The following ZNRF1 variants were observed in gnomAD, a reference collection of about 807,000 sequenced individuals.
ZNRF1 encodes the protein zinc and ring finger 1, also known as E3 ubiquitin-protein ligase ZNRF1.
ZNRF1 carries 3 observed loss-of-function variants against 18.4 expected under a neutral mutation model. The observed-to-expected ratio is 0.16, with a 90% CI of 0.07 to 0.42. The LOEUF (loss-of-function observed/expected upper bound fraction) is 0.42. ZNRF1 is among the 10% of genes least tolerant of loss of function. The pLI, the probability that ZNRF1 is intolerant of heterozygous loss-of-function variation, is 0.99. For missense variants in ZNRF1, 310 were observed against 329.8 expected (o/e 0.94, Z 0.47); for synonymous variants, 157 against 144.2 (o/e 1.09, Z -0.64).
At chr16:75,036,899 C>A (rs2035383123) in intron 1 of ZNRF1, among the ~76,000 whole-genome samples, 1 of 152,160 alleles carries the variant, frequency 6.6e-6, no homozygotes, top group Non-Finnish European at 1.5e-5. Context: ...GATGCTTGGA[C>A]TATGCAGCAC....
chr16:75,082,845 C>T (rs1439568018), intron 1 of ZNRF1, among the ~76,000 whole-genome samples: 2 of 152,224 alleles, frequency 1.3e-5, no homozygotes, highest in African/African-American at 4.8e-5. Flanking sequence ...TGAGCCACTG[C>T]ACCCGGCCAG....
At position 75,108,111 on chromosome 16, in the gene ZNRF1, G is replaced by A. The variant is rs1438733612; in HGVS notation, c.*411G>A. 8 of 234,008 alleles carry A rather than the reference G, an allele frequency of 3.4e-5. No individual in the cohort carries two copies. Among genetic ancestry groups the A allele is most frequent in the East Asian group, 1.5e-4 (1 of 6,542 alleles). The allele number at this position is 234,008 out of a possible 1,614,324, so 14.5% of individuals were successfully genotyped here. A position where few individuals can be genotyped will look rare whatever the true frequency, so the allele number is the denominator to read the frequency against. On this transcript the variant is annotated 3_prime_UTR_variant, in exon 5 of 5. Transcript: ENST00000335325. Reference sequence around the variant, plus strand: ...AGCCATAACCCACTCAGTGACAGACGAACACAGCTAAGGCCTCGCTGCCAG... The same window carrying A: ...AGCCATAACCCACTCAGTGACAGACAAACACAGCTAAGGCCTCGCTGCCAG...
chr16:75,044,798 A>C (rs2035493579), intron 1 of ZNRF1, among the ~76,000 whole-genome samples: 1 of 152,240 alleles, frequency 6.6e-6, no homozygotes, highest in South Asian at 2.1e-4. Context: ...GTTTATAACA[A>C]ATGAACCATG....
intron 2 of ZNRF1, among the ~76,000 whole-genome samples, chr16:75,097,882 G>C (rs931044563): frequency 5.3e-5 from 8 of 152,200 alleles, no homozygotes; most frequent in Non-Finnish European, 1.2e-4. Context: ...AATGGCTCCT[G>C]CTATAGCCTG....
intron 1 of ZNRF1, among the ~76,000 whole-genome samples, chr16:75,011,075 C>T (rs977641484): frequency 3.9e-5 from 6 of 152,138 alleles, no homozygotes; most frequent in Admixed American, 6.5e-5. Flanking sequence ...CCTCATCTGA[C>T]GTGGTCATTT....
At chr16:75,030,823 C>T (rs1447787659) in intron 1 of ZNRF1, among the ~76,000 whole-genome samples, 1 of 147,076 alleles carries the variant, frequency 6.8e-6, no homozygotes, top group African/African-American at 2.5e-5. Flanking sequence ...TAGCATGCAG[C>T]ACTTTATTCC....
At chr16:75,085,938 G>A (rs1001762502) in intron 1 of ZNRF1, among the ~76,000 whole-genome samples, 4 of 152,024 alleles carry the variant, frequency 2.6e-5, no homozygotes, top group African/African-American at 9.7e-5. Flanking sequence ...GAAAACTCGT[G>A]GAGTATGTAG....
In ZNRF1 at chr16:75,086,070, C is replaced by G. The variant is rs576177785; in HGVS notation, c.425-7502C>G. On this transcript the variant is annotated intron_variant, in intron 1 of 4. Transcript: ENST00000335325. Reference sequence around the variant, plus strand: ...TAGGCAGACAGAGAGTGAAATTTCTCCTCTTTGCCTTTTGATTCTATTCAG... The same window carrying G: ...TAGGCAGACAGAGAGTGAAATTTCTGCTCTTTGCCTTTTGATTCTATTCAG... Among the ~76,000 whole-genome samples, 21 of 152,082 alleles carry G rather than the reference C, an allele frequency of 1.4e-4. No individual in the cohort carries two copies. In the Middle Eastern group the frequency reaches 0.01, roughly 74 times the overall value.
chr16:75,095,775 A>ACC, intron 2 of ZNRF1: 1 of 1,495,358 alleles, frequency 6.7e-7, no homozygotes, highest in South Asian at 1.3e-5. Flanking sequence ...CTCCTCTGCC[A>ACC]GAGAACTGCC....
In ZNRF1 at chr16:75,100,473, C is replaced by G. The variant is rs549165607; in HGVS notation, c.521-4311C>G. 1.4e-4 allele frequency among the ~76,000 whole-genome samples: 21 copies of G among 152,286 alleles called. 1 individual carries two copies. The South Asian group carries it at 4.4e-3, about 32-fold the overall frequency. On this transcript the variant is annotated intron_variant, in intron 2 of 4. Coordinates refer to ENST00000335325, the MANE Select transcript of ZNRF1 (RefSeq NM_032268.5). ...TGTCATAAAGCGCCTAAGCCTTATCCTCATACCTGCCTCTCCCTTCCCTGA... is the reference window on the plus strand; with the variant it reads ...TGTCATAAAGCGCCTAAGCCTTATCGTCATACCTGCCTCTCCCTTCCCTGA...
intron 1 of ZNRF1, among the ~76,000 whole-genome samples, chr16:75,026,550 C>T (rs375905386): frequency 6.6e-6 from 1 of 152,308 alleles, no homozygotes; most frequent in Non-Finnish European, 1.5e-5. Flanking sequence ...TGTTTGAACT[C>T]TTCCCTACTG....
intron 1 of ZNRF1, among the ~76,000 whole-genome samples, chr16:75,022,221 C>CT (rs1209280564): frequency 6.6e-6 from 1 of 151,994 alleles, no homozygotes; most frequent in Admixed American, 6.6e-5. Flanking sequence ...TGCCACTGCA[C>CT]TCCAGCCTGG....
intron 1 of ZNRF1, among the ~76,000 whole-genome samples, chr16:75,055,332 T>G (rs997322759): frequency 3.9e-5 from 6 of 152,226 alleles, no homozygotes; most frequent in African/African-American, 1.4e-4. Flanking sequence ...TACTAGAATT[T>G]AGAACCACTC....
At chr16:75,040,253 T>A (rs1172561103) in intron 1 of ZNRF1, among the ~76,000 whole-genome samples, 1 of 151,912 alleles carries the variant, frequency 6.6e-6, no homozygotes, top group Non-Finnish European at 1.5e-5. Flanking sequence ...AAAAGTCCTT[T>A]TTTTATTTTT....
Position 75,039,962 on chromosome 16 carries a change from C to T in ZNRF1, c.424+39867C>T, listed in dbSNP as rs1285559436. Among the ~76,000 whole-genome samples, 5 of 150,160 alleles carry T rather than the reference C, an allele frequency of 3.3e-5. 1 individual carries two copies. Among genetic ancestry groups the T allele is most frequent in the African/African-American group, 4.9e-5 (2 of 40,794 alleles). On this transcript the variant is annotated intron_variant, in intron 1 of 4. Coordinates refer to ENST00000335325, the MANE Select transcript of ZNRF1 (RefSeq NM_032268.5). ...TAGTTGACATACCATAATATTCATACATTATAAATGTACAATGAGATTTAG... is the reference window on the plus strand; with the variant it reads ...TAGTTGACATACCATAATATTCATATATTATAAATGTACAATGAGATTTAG...
At chr16:75,001,997 A>G (rs191995591) in intron 1 of ZNRF1, among the ~76,000 whole-genome samples, 26 of 152,250 alleles carry the variant, frequency 1.7e-4, no homozygotes, top group Middle Eastern at 6.8e-3. Context: ...GGAGGCTGCT[A>G]TTAATATTGT....
chr16:75,075,106 G>A (rs1338132681), intron 1 of ZNRF1, among the ~76,000 whole-genome samples: 1 of 146,698 alleles, frequency 6.8e-6, no homozygotes, highest in African/African-American at 2.5e-5. Flanking sequence ...GGGTGGGTGG[G>A]AGGGAGTAAA....
chr16:75,025,905 C>T (rs2035216947), intron 1 of ZNRF1, among the ~76,000 whole-genome samples: 1 of 152,174 alleles, frequency 6.6e-6, no homozygotes, highest in African/African-American at 2.4e-5. Flanking sequence ...GATTTTAAGT[C>T]AGGCCTGCAA....
At chr16:75,012,745 T>C (rs1383932036) in intron 1 of ZNRF1, among the ~76,000 whole-genome samples, 1 of 152,204 alleles carries the variant, frequency 6.6e-6, no homozygotes. Context: ...TCGGGACTCA[T>C]GTCTGAACCA....
Sources: allele counts gnomAD v4.1 joint callset (sites outside exome capture counted in the v4.1 genomes callset), GRCh38; gene constraint gnomAD v4.1.1; transcripts MANE v1.5; gene names NCBI Gene and HGNC (gene_info 2026-07-23, HGNC 2026-07-21).